Variants in CNIH4 observed in about 807,000 individuals in gnomAD.
CNIH4 encodes the protein cornichon family member 4.
Under a neutral mutation model 21.5 loss-of-function variants are expected in CNIH4, and 9 were observed. That is an observed-to-expected ratio of 0.42 (90% CI 0.25 to 0.73). The LOEUF is 0.73. CNIH4 is among the 30% of genes least tolerant of loss of function. CNIH4 has a pLI of 0.27. For missense variants in CNIH4, 159 were observed against 170.0 expected (o/e 0.94, Z 0.36); for synonymous variants, 67 against 59.1 (o/e 1.13, Z -0.61).
upstream of CNIH4, chr1:224,356,809 C>T (rs1180342980): frequency 2.4e-6 from 2 of 824,846 alleles, no homozygotes; most frequent in Admixed American, 2.0e-5. Context: ...TCCCGGCATG[C>T]CACACCAGGA....
chr1:224,369,292 G>GGTGAAC (rs1672555296), intron 3 of CNIH4, among the ~76,000 whole-genome samples: 1 of 152,188 alleles, frequency 6.6e-6, no homozygotes, highest in Admixed American at 6.5e-5. Flanking sequence ...GTGTTTTAGA[G>GGTGAAC]ATGAGCGCAG....
At chr1:224,367,438 G>C (rs945791066) in intron 3 of CNIH4, among the ~76,000 whole-genome samples, 2 of 152,018 alleles carry the variant, frequency 1.3e-5, no homozygotes, top group African/African-American at 2.4e-5. Context: ...TAAAATATCT[G>C]TGTCTCTTTT....
At chr1:224,372,399 G>C (rs1472242542) in intron 4 of CNIH4, among the ~76,000 whole-genome samples, 2 of 152,092 alleles carry the variant, frequency 1.3e-5, no homozygotes, top group African/African-American at 2.4e-5. Flanking sequence ...TAGAAGTCAG[G>C]CTTAACCTTT....
intron 1 of CNIH4, 53 bp downstream of exon 1, chr1:224,357,046 G>C: frequency 6.4e-7 from 1 of 1,570,074 alleles, no homozygotes; most frequent in Non-Finnish European, 8.7e-7. Flanking sequence ...GGCTGAGGGT[G>C]GGCCAGTTGG....
chr1:224,372,905 AT>A (rs1388212562), intron 4 of CNIH4, among the ~76,000 whole-genome samples: 2 of 152,008 alleles, frequency 1.3e-5, no homozygotes, highest in African/African-American at 4.8e-5. Flanking sequence ...AAAAATTGCT[AT>A]TTTTTTGAAA....
intron 1 of CNIH4, among the ~76,000 whole-genome samples, chr1:224,359,907 G>C (rs1672226603): frequency 6.6e-6 from 1 of 152,158 alleles, no homozygotes; most frequent in African/African-American, 2.4e-5. Context: ...TGAGGTGAGT[G>C]AATCACTTGA....
rs11581165 is a variant in CNIH4, at chr1:224,362,070, G to A, written c.138+1507G>A. 7.2e-3 allele frequency among the ~76,000 whole-genome samples: 1,036 copies of A among 144,262 alleles called. 7 individuals carry two copies. The highest frequency in any genetic ancestry group is 0.01 in the Non-Finnish European group (681 of 66,316). 94.6% of individuals were successfully genotyped at this position (144,262 alleles called of 152,430 possible). On this transcript the variant is annotated intron_variant, in intron 2 of 4. Coordinates refer to ENST00000465271, the MANE Select transcript of CNIH4 (RefSeq NM_014184.4). ...CTTCTGACTTCCAGTGGTTCAAGTT[G>A]GGAAGTACCATGCCATTTTTTTTTT...
chr1:224,364,420 G>T (rs1257324176), intron 2 of CNIH4: 3 of 964,334 alleles, frequency 3.1e-6, no homozygotes, highest in Non-Finnish European at 1.2e-6. Context: ...TGGCTTACAT[G>T]TTATTTCATC....
At position 224,377,381 on chromosome 1, in the gene CNIH4, TC is replaced by T; in HGVS notation, c.*1561del. ...CTTCACTCTGCCTTTCCTCCTAACTTCCTGTGCCTCTTCATGTTCTGCTCAA... is the reference window on the plus strand; with the variant it reads ...CTTCACTCTGCCTTTCCTCCTAACTTCTGTGCCTCTTCATGTTCTGCTCAA... On this transcript the variant is annotated 3_prime_UTR_variant, in exon 5 of 5. Coordinates refer to ENST00000465271, the MANE Select transcript of CNIH4 (RefSeq NM_014184.4). The T allele has an allele frequency of 6.6e-6, 1 of 152,314 alleles. No individual in the cohort carries two copies. The highest frequency in any genetic ancestry group is 1.9e-4 in the East Asian group (1 of 5,182). The allele number at this position is 152,314 out of a possible 1,614,324, so 9.4% of individuals were successfully genotyped here.
At position 224,376,578 on chromosome 1, in the gene CNIH4, ACGTATTTTC is replaced by A. The variant is rs1189891223; in HGVS notation, c.*757_*765del. On this transcript the variant is annotated 3_prime_UTR_variant, in exon 5 of 5. Transcript: ENST00000465271. The stretch of plus-strand genomic sequence containing the variant: ...CCAATTGTATTTGATCTCCCTGATA[ACGTATTTTC>A]ATGGGTTTGGGTAGAAGATGCTAAT... 1.0e-6 allele frequency: 1 copy of A among 985,304 alleles called. No homozygotes were observed. Among genetic ancestry groups the A allele is most frequent in the Non-Finnish European group, 1.2e-6 (1 of 829,930 alleles). The allele number at this position is 985,304 out of a possible 1,614,324, so 61.0% of individuals were successfully genotyped here.
At chr1:224,361,266 C>T (rs544630968) in intron 2 of CNIH4, among the ~76,000 whole-genome samples, 1 of 152,062 alleles carries the variant, frequency 6.6e-6, no homozygotes, top group Admixed American at 6.6e-5. Flanking sequence ...CAGGCACTGC[C>T]ACCACACCTG....
At chr1:224,374,056 G>A (rs781538757) in intron 4 of CNIH4, among the ~76,000 whole-genome samples, 4 of 152,006 alleles carry the variant, frequency 2.6e-5, no homozygotes, top group Non-Finnish European at 5.9e-5. Flanking sequence ...TTGCTATTAC[G>A]TTACCCTTTG....
intron 4 of CNIH4, among the ~76,000 whole-genome samples, chr1:224,375,481 TTTTTG>T (rs1191249864): frequency 8.5e-5 from 13 of 152,078 alleles, no homozygotes; most frequent in Non-Finnish European, 1.5e-4. Flanking sequence ...ACATAGGTGT[TTTTTG>T]TTTTGTTTTG....
intron 2 of CNIH4, among the ~76,000 whole-genome samples, chr1:224,363,819 A>G (rs1377585075): frequency 2.6e-5 from 4 of 152,092 alleles, no homozygotes; most frequent in Non-Finnish European, 5.9e-5. Flanking sequence ...GATGGTCTAG[A>G]TTTGTTGACT....
rs1204005599 is a variant in CNIH4, at chr1:224,364,407, A to T, written c.139-1472A>T. On this transcript the variant is annotated intron_variant, in intron 2 of 4. Transcript: ENST00000465271. Reference sequence around the variant, plus strand: ...ACATTTTATTGAGTGCCTACTTTGCATGTGGCTTACATGTTATTTCATCTA... The same window carrying T: ...ACATTTTATTGAGTGCCTACTTTGCTTGTGGCTTACATGTTATTTCATCTA... The T allele has an allele frequency of 1.2e-5, 12 of 978,912 alleles. No individual in the cohort carries two copies. The Admixed American group carries it at 1.8e-4, about 15-fold the overall frequency. The allele number at this position is 978,912 out of a possible 1,614,324, so 60.6% of individuals were successfully genotyped here.
Position 224,356,936 on chromosome 1 carries a change from G to C in CNIH4, c.12G>C (p.Val4=), listed in dbSNP as rs1406119227. 1.9e-6 allele frequency: 3 copies of C among 1,610,564 alleles called. No individual in the cohort carries two copies. The Admixed American group carries it at 5.0e-5, about 27-fold the overall frequency. The stretch of plus-strand genomic sequence containing the variant: ...GACGGAGGAGGAGGATGGAGGCGGT[G>C]GTGTTCGTCTTCTCTCTCCTCGATT... MEA[V]VFVFSLLDCC... The change falls in exon 1 of 5, where the codon GTG becomes GTC. Residue 4 remains valine, a synonymous_variant. Transcript: ENST00000465271.
chr1:224,369,779 C>T (rs914432965), intron 3 of CNIH4, among the ~76,000 whole-genome samples: 6 of 150,830 alleles, frequency 4.0e-5, no homozygotes, highest in African/African-American at 1.2e-4. Context: ...CGGGTCCAAG[C>T]GATTCTCCTG....
rs2102872993 is a variant in CNIH4, at chr1:224,376,879, T to C, written c.*1057T>C. On this transcript the variant is annotated 3_prime_UTR_variant, in exon 5 of 5. Transcript: ENST00000465271. ...AGGGTAAAATAAACCTGGCAATTTA[T>C]CCTCAGTCCTAGTTTGTGGTTTAAT... 1.0e-6 allele frequency: 1 copy of C among 985,484 alleles called. No homozygotes were observed. The highest frequency in any genetic ancestry group is 6.1e-5 in the Admixed American group (1 of 16,288). The allele number at this position is 985,484 out of a possible 1,614,324, so 61.0% of individuals were successfully genotyped here.
chr1:224,378,869 A>G lies in CNIH4; in HGVS notation c.*3047A>G. The G allele has an allele frequency of 1.9e-6, 1 of 513,110 alleles. No individual in the cohort carries two copies. The highest frequency in any genetic ancestry group is 2.1e-5 in the South Asian group (1 of 46,614). The allele number at this position is 513,110 out of a possible 1,614,324, so 31.8% of individuals were successfully genotyped here. On this transcript the variant is annotated 3_prime_UTR_variant, in exon 5 of 5. Coordinates refer to ENST00000465271, the MANE Select transcript of CNIH4 (RefSeq NM_014184.4). ...TGGGAACATCTGAATGCTGAGGCCT[A>G]GAGATCGTTCAGGGTGTTGTAACTG...
Sources: gnomAD v4.1 joint callset for allele counts (sites outside exome capture counted in the v4.1 genomes callset) on GRCh38, gnomAD v4.1.1 for gene constraint, MANE v1.5 for transcripts, NCBI Gene and HGNC (gene_info 2026-07-23, HGNC 2026-07-21) for gene names.